Variants in R3HDM1 observed in about 807,000 individuals in gnomAD.
R3HDM1 encodes the protein R3H domain containing 1.
A neutral mutation model predicts 141.1 loss-of-function variants in R3HDM1; 46 were observed. That is an observed-to-expected ratio of 0.33 (90% CI 0.26 to 0.42). The LOEUF (loss-of-function observed/expected upper bound fraction) is 0.42. R3HDM1 is among the 10% of genes least tolerant of loss of function. R3HDM1 has a pLI of 1.00. For missense variants in R3HDM1, 1,184 were observed against 1,368.3 expected (o/e 0.87, Z 2.12); for synonymous variants, 435 against 472.9 (o/e 0.92, Z 1.04).
chr2:135,654,715 CT>C (rs1331750753), intron 18 of R3HDM1, among the ~76,000 whole-genome samples: 6 of 152,152 alleles, frequency 3.9e-5, no homozygotes, highest in Non-Finnish European at 8.8e-5. Flanking sequence ...TCCCAAAGTG[CT>C]GGGATTACAG....
intron 24 of R3HDM1, among the ~76,000 whole-genome samples, chr2:135,719,876 C>T (rs1258287915): frequency 4.0e-5 from 6 of 151,338 alleles, no homozygotes; most frequent in Non-Finnish European, 5.9e-5. Context: ...GACGGAGTCT[C>T]GCCCTGTTGC....
intron 23 of R3HDM1, among the ~76,000 whole-genome samples, chr2:135,711,954 G>A (rs1347795291): frequency 1.3e-4 from 13 of 96,332 alleles, no homozygotes; most frequent in African/African-American, 4.5e-4. Context: ...GCGAGACTCT[G>A]TCTAAAATTA....
At chr2:135,704,563 C>T (rs1258078286) in intron 21 of R3HDM1, among the ~76,000 whole-genome samples, 1 of 150,754 alleles carries the variant, frequency 6.6e-6, no homozygotes, top group African/African-American at 2.4e-5. Context: ...CTCTGCCTCC[C>T]GGGTTCAAGT....
intron 20 of R3HDM1, among the ~76,000 whole-genome samples, chr2:135,679,895 C>T (rs2069930626): frequency 6.6e-6 from 1 of 152,122 alleles, no homozygotes; most frequent in South Asian, 2.1e-4. Flanking sequence ...GCCTGACCAA[C>T]ATGGTGAAAC....
Position 135,649,923 on chromosome 2 carries a change from T to C in R3HDM1, c.1645T>C (p.Ser549Pro). 1 of 1,287,956 alleles carries C rather than the reference T, an allele frequency of 7.8e-7. No homozygotes were observed. The highest frequency in any genetic ancestry group is 1.0e-6 in the Non-Finnish European group (1 of 980,502). The allele number at this position is 1,287,956 out of a possible 1,614,324, so 79.8% of individuals were successfully genotyped here. ...TTAGCCTGTTCATCCTCTGCAGTCC[T>C]CTTCACAGCCTGTTCAGTACTCTAC... The part of the protein sequence containing the change: ...FSQPVHPLQS[S>P]SQPVQYSTAP... Residue 549 changes from serine (S) to proline (P), a missense_variant, in exon 17 of 27, where the codon TCT becomes CCT. Around this residue, in one of 5 missense-constraint regions of R3HDM1, gnomAD observed 563 missense variants for 562.0 expected, o/e 1.00. Coordinates refer to ENST00000683871, the MANE Select transcript of R3HDM1 (RefSeq NM_001378107.1).
At chr2:135,538,020 A>T (rs1052717237) in intron 1 of R3HDM1, among the ~76,000 whole-genome samples, 1 of 152,198 alleles carries the variant, frequency 6.6e-6, no homozygotes, top group Non-Finnish European at 1.5e-5. Context: ...AACATTAGGG[A>T]TAAATTCTGA....
At chr2:135,650,186 A>ATG (rs2065000589) in intron 17 of R3HDM1, 183 bp downstream of exon 17, 2 of 970,514 alleles carry the variant, frequency 2.1e-6, no homozygotes, top group South Asian at 9.5e-5. Flanking sequence ...TATTGGTTAT[A>ATG]GTGGCTTATT....
At chr2:135,534,779 A>G (rs1260949149) in intron 1 of R3HDM1, among the ~76,000 whole-genome samples, 1 of 152,258 alleles carries the variant, frequency 6.6e-6, no homozygotes, top group Admixed American at 6.5e-5. Flanking sequence ...TTTGTCAAAT[A>G]TTATGCAGAA....
At chr2:135,574,897 G>T (rs1573974952) in intron 1 of R3HDM1, among the ~76,000 whole-genome samples, 2 of 152,170 alleles carry the variant, frequency 1.3e-5, no homozygotes, top group Admixed American at 1.3e-4. Flanking sequence ...TATTTCCACA[G>T]TATACAGAAA....
At chr2:135,666,390 G>A (rs2067499179) in intron 19 of R3HDM1, among the ~76,000 whole-genome samples, 1 of 152,124 alleles carries the variant, frequency 6.6e-6, no homozygotes, top group African/African-American at 2.4e-5. Context: ...ACTAGGTAGT[G>A]GCTCTGGCTA....
At position 135,566,667 on chromosome 2, in the gene R3HDM1, A is replaced by G. The variant is rs1702852353; in HGVS notation, c.-250+35034A>G. The G allele has an allele frequency of 7.2e-6, 6 of 832,084 alleles. No individual in the cohort carries two copies. The South Asian group carries it at 3.3e-4, about 46-fold the overall frequency. 51.5% of individuals were successfully genotyped at this position (832,084 alleles called of 1,614,324 possible). A position where few individuals can be genotyped will look rare whatever the true frequency, so the allele number is the denominator to read the frequency against. ...GTTAATCTGCATGAAAATCCAAACT[A>G]TTAATTAGAAGGCTGTTTGGTGAGC... On this transcript the variant is annotated intron_variant, in intron 1 of 26. Transcript: ENST00000683871.
chr2:135,674,534 G>T (rs551127726), intron 19 of R3HDM1, among the ~76,000 whole-genome samples: 1 of 152,124 alleles, frequency 6.6e-6, no homozygotes, highest in Admixed American at 6.6e-5. Context: ...TTAGGATCAG[G>T]AGACAAAATA....
intron 1 of R3HDM1, among the ~76,000 whole-genome samples, chr2:135,540,177 AAAT>A (rs1321749108): frequency 6.6e-6 from 1 of 152,250 alleles, no homozygotes; most frequent in East Asian, 1.9e-4. Context: ...AATCATGAAC[AAAT>A]AATGATATCA....
At chr2:135,627,739 T>C (rs2062196880) in intron 7 of R3HDM1, among the ~76,000 whole-genome samples, 4 of 152,186 alleles carry the variant, frequency 2.6e-5, no homozygotes, top group African/African-American at 9.6e-5. Flanking sequence ...AAATATCTTC[T>C]AAAAGTCATT....
chr2:135,712,196 GA>G (rs2075722098), intron 23 of R3HDM1, among the ~76,000 whole-genome samples: 1 of 151,966 alleles, frequency 6.6e-6, no homozygotes, highest in Non-Finnish European at 1.5e-5. Flanking sequence ...CTTTTGTTGA[GA>G]AAAGGTTACC....
chr2:135,544,325 G>GA lies in R3HDM1; in HGVS notation c.-250+12698dup, dbSNP rs1006840143. The stretch of plus-strand genomic sequence containing the variant: ...TGTTGACTCCCAAAAAAGGACACCA[G>GA]AAAAAATGTGTTGATCAAAGTTGTA... On this transcript the variant is annotated intron_variant, in intron 1 of 26. Coordinates refer to ENST00000683871, the MANE Select transcript of R3HDM1 (RefSeq NM_001378107.1). Among the ~76,000 whole-genome samples the GA allele has an allele frequency of 5.3e-5, 8 of 152,272 alleles. 1 individual carries two copies. The South Asian group carries it at 1.2e-3, about 24-fold the overall frequency.
At chr2:135,611,611 A>G (rs1206510032) in intron 3 of R3HDM1, among the ~76,000 whole-genome samples, 5 of 152,166 alleles carry the variant, frequency 3.3e-5, no homozygotes, top group Admixed American at 1.3e-4. Flanking sequence ...TTTTCAGTAC[A>G]GTAGTTTTAA....
chr2:135,666,311 A>G (rs998269767), intron 19 of R3HDM1, among the ~76,000 whole-genome samples: 2 of 152,216 alleles, frequency 1.3e-5, no homozygotes, highest in African/African-American at 4.8e-5. Flanking sequence ...ATAGGGACTC[A>G]AGGCACAAAG....
intron 1 of R3HDM1, among the ~76,000 whole-genome samples, chr2:135,544,863 G>T (rs897872370): frequency 1.3e-5 from 2 of 152,168 alleles, no homozygotes; most frequent in African/African-American, 4.8e-5. Flanking sequence ...TACTGGGGAG[G>T]CTGAGGCGTG....
Sources: allele counts gnomAD v4.1 joint callset (sites outside exome capture counted in the v4.1 genomes callset), GRCh38; gene constraint gnomAD v4.1.1; regional missense constraint gnomAD v4.1.1; transcripts MANE v1.5; gene names NCBI Gene and HGNC (gene_info 2026-07-23, HGNC 2026-07-21).